Variants in CPT1A observed in about 807,000 individuals in gnomAD.
CPT1A encodes carnitine palmitoyltransferase 1A.
CPT1A carries 64 observed loss-of-function variants against 100.8 expected under a neutral mutation model. The ratio of observed to expected loss-of-function variants is 0.63; its 90% CI spans 0.52 to 0.78. The LOEUF (loss-of-function observed/expected upper bound fraction) is 0.78. CPT1A is among the 30% of genes least tolerant of loss of function. The probability of loss-of-function intolerance (pLI) is 0.00; values close to 1 mark genes in which losing one functional copy is unlikely to be tolerated. For missense variants in CPT1A, 802 were observed against 1,034.1 expected, an observed-to-expected ratio of 0.78 and a Z score of 3.08; for synonymous variants, 363 against 396.0, an observed-to-expected ratio of 0.92 and a Z score of 0.99.
chr11:68,804,151 G>A, intron 4 of CPT1A, 50 bp from the exon 5 acceptor site: 1 of 1,419,406 alleles, frequency 7.0e-7, no homozygotes, highest in Non-Finnish European at 1.0e-6. Context: ...TACTCTGAAG[G>A]CACCTGTTCT....
intron 1 of CPT1A, among the ~76,000 whole-genome samples, chr11:68,821,719 T>C (rs1856589266): frequency 6.6e-6 from 1 of 152,246 alleles, no homozygotes; most frequent in Admixed American, 6.5e-5. Flanking sequence ...TTTTTTCTTT[T>C]TCCCCAAATG....
At position 68,841,725 on chromosome 11, in the gene CPT1A, C is replaced by T. The variant is rs1211167064; in HGVS notation, c.-14+50G>A. On this transcript the variant is annotated intron_variant, in intron 1 of 18. Coordinates refer to ENST00000265641, the MANE Select transcript of CPT1A (RefSeq NM_001876.4). This position sits in a 1 kb window ranked among gnomAD's most constrained non-coding sequence, Gnocchi z 6.3. ...CCCCGCCCGTCCCCGGCCCCCGCAG[C>T]CCGCAGGGCCGCCCCGCCACCCTCC... 47 of 929,606 alleles carry T rather than the reference C, an allele frequency of 5.1e-5. No individual in the cohort carries two copies. The highest frequency in any genetic ancestry group is 1.9e-4 in the Admixed American group (3 of 16,098). The allele number at this position is 929,606 out of a possible 1,614,324, so 57.6% of individuals were successfully genotyped here.
At chr11:68,806,546 T>C (rs1856051513) in intron 4 of CPT1A, among the ~76,000 whole-genome samples, 1 of 151,374 alleles carries the variant, frequency 6.6e-6, no homozygotes, top group South Asian at 2.1e-4. Flanking sequence ...GAAAATCACT[T>C]GAGCCTAGGA....
intron 9 of CPT1A, among the ~76,000 whole-genome samples, chr11:68,790,752 T>C (rs1443963695): frequency 6.6e-6 from 1 of 152,246 alleles, no homozygotes; most frequent in African/African-American, 2.4e-5. Flanking sequence ...TCAGAATGGC[T>C]GTCCAGGTAC....
intron 9 of CPT1A, among the ~76,000 whole-genome samples, chr11:68,791,363 G>A (rs1393792271): frequency 4.6e-5 from 7 of 152,202 alleles, no homozygotes; most frequent in Non-Finnish European, 1.0e-4. Context: ...AGGATGGAGA[G>A]AACCAACTTC....
intron 15 of CPT1A, 71 bp from the exon 16 acceptor site, chr11:68,761,758 C>T (rs1218923556): frequency 1.3e-6 from 2 of 1,541,082 alleles, no homozygotes; most frequent in African/African-American, 1.4e-5. Context: ...CTAAGTTAGC[C>T]ACCGCACCCG....
At chr11:68,792,943 G>A (rs1161996902) in intron 9 of CPT1A, among the ~76,000 whole-genome samples, 6 of 152,214 alleles carry the variant, frequency 3.9e-5, no homozygotes, top group Non-Finnish European at 8.8e-5. Context: ...AGCTACTGGG[G>A]AGGCTAAGAT....
At chr11:68,813,250 G>T (rs2154001202) in intron 2 of CPT1A, among the ~76,000 whole-genome samples, 1 of 152,016 alleles carries the variant, frequency 6.6e-6, no homozygotes, top group Admixed American at 6.6e-5. Context: ...ACCAAAGCAG[G>T]CCAGGTGCGG....
chr11:68,762,341 C>G (rs1013573033), intron 15 of CPT1A, among the ~76,000 whole-genome samples: 2 of 152,230 alleles, frequency 1.3e-5, no homozygotes, highest in African/African-American at 4.8e-5. Context: ...CTATGCCTTT[C>G]CTCATTGTGT....
chr11:68,783,816 C>T (rs1251794759), intron 10 of CPT1A, among the ~76,000 whole-genome samples: 2 of 152,162 alleles, frequency 1.3e-5, no homozygotes, highest in African/African-American at 4.8e-5. Flanking sequence ...GGTGAGAAAC[C>T]CTCCTATACA....
At position 68,841,298 on chromosome 11, in the gene CPT1A, G is replaced by A. The variant is rs982472278; in HGVS notation, c.-14+477C>T. 4.6e-5 allele frequency among the ~76,000 whole-genome samples: 7 copies of A among 151,838 alleles called. No homozygotes were observed. The highest frequency in any genetic ancestry group is 2.0e-4 in the Admixed American group (3 of 15,276). On this transcript the variant is annotated intron_variant, in intron 1 of 18. Transcript: ENST00000265641. This position sits in a 1 kb window ranked among gnomAD's most constrained non-coding sequence, Gnocchi z 6.3. ...GGAGCCGGAGGCCCTACTGGCCCCG[G>A]GCGAAGGCATCCTGGAAAGCATCCA... is the stretch of plus-strand genomic sequence containing the variant.
intron 14 of CPT1A, among the ~76,000 whole-genome samples, chr11:68,769,261 T>C (rs1215994716): frequency 6.6e-6 from 1 of 152,136 alleles, no homozygotes; most frequent in Non-Finnish European, 1.5e-5. Context: ...TTTTTAAAGA[T>C]AGGGTCTCAC....
intron 14 of CPT1A, among the ~76,000 whole-genome samples, chr11:68,771,233 G>A (rs1310067923): frequency 6.6e-6 from 1 of 152,156 alleles, no homozygotes; most frequent in South Asian, 2.1e-4. Flanking sequence ...TCACCAATTT[G>A]TACTGCTTGC....
In CPT1A at chr11:68,841,772, C is replaced by T; in HGVS notation, c.-14+3G>A. 1 of 988,816 alleles carries T rather than the reference C, an allele frequency of 1.0e-6. No homozygotes were observed. Among genetic ancestry groups the T allele is most frequent in the Non-Finnish European group, 1.2e-6 (1 of 833,040 alleles). The allele number at this position is 988,816 out of a possible 1,614,324, so 61.3% of individuals were successfully genotyped here. On this transcript the variant is annotated splice_donor_region_variant and intron_variant, in intron 1 of 18. Transcript: ENST00000265641. The surrounding 1 kb of genome is among the most constrained non-coding windows in gnomAD (Gnocchi z 6.3). ...CTCCCCACCGCGGGCGACCGGGCCT[C>T]ACCGAGTCAGCTACGGAGGTGCGGC... is the stretch of plus-strand genomic sequence containing the variant.
chr11:68,817,153 CTGTGTG>C (rs148396344), intron 1 of CPT1A, among the ~76,000 whole-genome samples: 11 of 93,362 alleles, frequency 1.2e-4, no homozygotes, highest in African/African-American at 3.2e-4. Flanking sequence ...GTGTGTGTGT[CTGTGTG>C]TGTGTGTGTG....
At chr11:68,840,977 C>CG (rs1857145589) in intron 1 of CPT1A, among the ~76,000 whole-genome samples, 1 of 152,208 alleles carries the variant, frequency 6.6e-6, no homozygotes, top group African/African-American at 2.4e-5. Flanking sequence ...GGAGAGGCTG[C>CG]GGGGCGCTCC....
intron 12 of CPT1A, 144 bp downstream of exon 12, chr11:68,780,496 C>T (rs1159156591): frequency 2.9e-6 from 2 of 680,228 alleles, no homozygotes; most frequent in Admixed American, 4.2e-5. Context: ...GTTGGCCAGG[C>T]TGGTCTTGAA....
At chr11:68,772,574 T>C (rs1855019713) in intron 14 of CPT1A, among the ~76,000 whole-genome samples, 1 of 152,060 alleles carries the variant, frequency 6.6e-6, no homozygotes, top group African/African-American at 2.4e-5. Flanking sequence ...GCCATGTGTA[T>C]ACAGGGGATC....
chr11:68,800,901 G>A (rs1855889097), intron 5 of CPT1A, among the ~76,000 whole-genome samples: 1 of 152,110 alleles, frequency 6.6e-6, no homozygotes, highest in Non-Finnish European at 1.5e-5. Flanking sequence ...GACTGCTTGA[G>A]CCCAGGAGTT....
Sources: allele counts gnomAD v4.1 joint callset (sites outside exome capture counted in the v4.1 genomes callset), GRCh38; gene constraint gnomAD v4.1.1; non-coding constraint Gnocchi (gnomAD v3.1); transcripts MANE v1.5; gene names NCBI Gene and HGNC (gene_info 2026-07-23, HGNC 2026-07-21).